Variants in ST6GALNAC3 observed in about 807,000 individuals in gnomAD.
The protein encoded by ST6GALNAC3 is ST6 N-acetylgalactosaminide alpha-2,6-sialyltransferase 3, also known as alpha-N-acetylgalactosaminide alpha-2,6-sialyltransferase 3.
Under a neutral mutation model 32.7 loss-of-function variants are expected in ST6GALNAC3, and 25 were observed. That is an observed-to-expected ratio of 0.76 (90% CI 0.56 to 1.07). The LOEUF is 1.07. Ranked by LOEUF, ST6GALNAC3 falls within the 50% of genes least tolerant of loss-of-function variation. The pLI is 0.00. For synonymous variants in ST6GALNAC3, 129 were observed against 133.1 expected (o/e 0.97, Z 0.21); for missense variants, 355 against 382.4 (o/e 0.93, Z 0.60).
intron 1 of ST6GALNAC3, among the ~76,000 whole-genome samples, chr1:76,300,188 G>A (rs139814886): frequency 1.3e-5 from 2 of 152,118 alleles, no homozygotes; most frequent in Non-Finnish European, 2.9e-5. Flanking sequence ...CAATCAGGTA[G>A]GCTTTGGTAA....
chr1:76,357,906 C>T (rs1342204279), intron 2 of ST6GALNAC3, among the ~76,000 whole-genome samples: 1 of 152,160 alleles, frequency 6.6e-6, no homozygotes, highest in Admixed American at 6.5e-5. Flanking sequence ...CAGTCAAAGA[C>T]AGGGAATGTT....
intron 3 of ST6GALNAC3, among the ~76,000 whole-genome samples, chr1:76,484,231 T>C (rs957258604): frequency 1.7e-4 from 26 of 152,222 alleles, no homozygotes; most frequent in Non-Finnish European, 3.2e-4. Context: ...ATATGAACTT[T>C]AAAGTAGTTT....
intron 3 of ST6GALNAC3, among the ~76,000 whole-genome samples, chr1:76,440,814 G>A (rs944883250): frequency 3.9e-5 from 6 of 152,090 alleles, no homozygotes; most frequent in Non-Finnish European, 7.4e-5. Context: ...GAGGCTGGGC[G>A]CAGTGACTCA....
chr1:76,142,736 T>C (rs984086123), intron 1 of ST6GALNAC3: 2 of 383,794 alleles, frequency 5.2e-6, no homozygotes, highest in Non-Finnish European at 1.0e-5. Context: ...TTTTTAGCAG[T>C]GAGGAGCGTC....
At chr1:76,262,262 T>C (rs1658281087) in intron 1 of ST6GALNAC3, among the ~76,000 whole-genome samples, 1 of 152,182 alleles carries the variant, frequency 6.6e-6, no homozygotes. Context: ...CTTAAAAAGA[T>C]TTACCAAATT....
chr1:76,083,846 A>G (rs965680504), intron 1 of ST6GALNAC3, among the ~76,000 whole-genome samples: 2 of 152,158 alleles, frequency 1.3e-5, no homozygotes, highest in African/African-American at 2.4e-5. Context: ...TGAATTCTAA[A>G]TTTTTCATCA....
chr1:76,586,026 G>A (rs1330904584), intron 3 of ST6GALNAC3, among the ~76,000 whole-genome samples: 3 of 152,132 alleles, frequency 2.0e-5, no homozygotes, highest in Non-Finnish European at 4.4e-5. Context: ...TGCTTCTGAC[G>A]AGGCCACGGG....
At chr1:76,422,267 G>A (rs995598321) in intron 3 of ST6GALNAC3, among the ~76,000 whole-genome samples, 42 of 152,080 alleles carry the variant, frequency 2.8e-4, no homozygotes, top group African/African-American at 1.0e-3. Context: ...AAGTTATCAT[G>A]GGGGTCTTTA....
chr1:76,555,163 T>G (rs315058), intron 3 of ST6GALNAC3, among the ~76,000 whole-genome samples: 9,258 of 152,190 alleles, frequency 0.061, 964 homozygotes, highest in African/African-American at 0.21. Context: ...TTAGAGTAAG[T>G]ATGTATTATA....
chr1:76,348,892 A>G (rs1648738187), intron 2 of ST6GALNAC3, among the ~76,000 whole-genome samples: 1 of 152,210 alleles, frequency 6.6e-6, no homozygotes, highest in Non-Finnish European at 1.5e-5. Context: ...AACATACTTC[A>G]TGCACGTAGC....
At chr1:76,149,104 C>G (rs772839113) in intron 1 of ST6GALNAC3, among the ~76,000 whole-genome samples, 1 of 152,180 alleles carries the variant, frequency 6.6e-6, no homozygotes, top group Non-Finnish European at 1.5e-5. Flanking sequence ...ACCTGGTAAT[C>G]GGTCTCTCTA....
intron 1 of ST6GALNAC3, among the ~76,000 whole-genome samples, chr1:76,167,935 C>T (rs988878201): frequency 1.3e-5 from 2 of 151,624 alleles, no homozygotes; most frequent in African/African-American, 2.4e-5. Context: ...TATCAAAAAA[C>T]AGCTCCTGGA....
chr1:76,352,366 T>A (rs1319379838), intron 2 of ST6GALNAC3, among the ~76,000 whole-genome samples: 1 of 45,124 alleles, frequency 2.2e-5, no homozygotes, highest in Non-Finnish European at 4.6e-5. Flanking sequence ...ATTTCCTCCT[T>A]TTTTTTTTTT....
In ST6GALNAC3 at chr1:76,509,823, C is replaced by T. The variant is rs1286133972; in HGVS notation, c.623+97406C>T. The stretch of plus-strand genomic sequence containing the variant: ...CTCACATTGCTGTTTCTCTATTTCT[C>T]TTTTAAGGACCCCCATGGTTACATT... On this transcript the variant is annotated intron_variant, in intron 3 of 4. Transcript: ENST00000328299. The surrounding 1 kb of genome is among the most constrained non-coding windows in gnomAD (Gnocchi z 5.5). Among the ~76,000 whole-genome samples the T allele has an allele frequency of 6.6e-6, 1 of 152,152 alleles. No individual in the cohort carries two copies.
intron 1 of ST6GALNAC3, among the ~76,000 whole-genome samples, chr1:76,283,460 A>C (rs1032674267): frequency 6.6e-6 from 1 of 152,152 alleles, no homozygotes; most frequent in African/African-American, 2.4e-5. Context: ...CAGGACCCTC[A>C]AGAGCCAACC....
intron 1 of ST6GALNAC3, among the ~76,000 whole-genome samples, chr1:76,266,404 A>G (rs1299752387): frequency 6.6e-6 from 1 of 152,148 alleles, no homozygotes; most frequent in Non-Finnish European, 1.5e-5. Context: ...TCTCAAAGGG[A>G]GTTGTCTCAG....
chr1:76,332,005 G>A (rs1647195733), intron 2 of ST6GALNAC3, among the ~76,000 whole-genome samples: 1 of 152,186 alleles, frequency 6.6e-6, no homozygotes. Flanking sequence ...GTGGCGTCCT[G>A]TTAATCAGGT....
intron 1 of ST6GALNAC3, among the ~76,000 whole-genome samples, chr1:76,251,592 C>T (rs1489638484): frequency 6.6e-6 from 1 of 152,116 alleles, no homozygotes; most frequent in Non-Finnish European, 1.5e-5. Context: ...GTTTGGTAAA[C>T]TCTTAGTCAT....
intron 2 of ST6GALNAC3, among the ~76,000 whole-genome samples, chr1:76,370,553 T>A (rs1650735717): frequency 6.6e-6 from 1 of 152,108 alleles, no homozygotes; most frequent in Non-Finnish European, 1.5e-5. Flanking sequence ...TTTTGTAAGG[T>A]CACCAAGAGT....
Sources: allele counts gnomAD v4.1 joint callset (sites outside exome capture counted in the v4.1 genomes callset), GRCh38; gene constraint gnomAD v4.1.1; non-coding constraint Gnocchi (gnomAD v3.1); transcripts MANE v1.5; gene names NCBI Gene and HGNC (gene_info 2026-07-23, HGNC 2026-07-21).